Variants in RBMS3 observed in about 807,000 individuals in gnomAD.
RBMS3 encodes RNA-binding motif, single-stranded-interacting protein 3.
Under a neutral mutation model 66.8 loss-of-function variants are expected in RBMS3, and 27 were observed. That is an observed-to-expected ratio of 0.40 (90% CI 0.30 to 0.56). RBMS3 has a LOEUF of 0.56. RBMS3 is among the 20% of genes least tolerant of loss of function. The probability of loss-of-function intolerance (pLI) is 0.40; values close to 1 mark genes in which losing one functional copy is unlikely to be tolerated. For synonymous variants in RBMS3, 188 were observed against 183.0 expected, an observed-to-expected ratio of 1.03 and a Z score of -0.22; for missense variants, 513 against 549.5, an observed-to-expected ratio of 0.93 and a Z score of 0.66.
At chr3:29,921,207 C>A (rs374358127) in intron 10 of RBMS3, among the ~76,000 whole-genome samples, 145 of 151,932 alleles carry the variant, frequency 9.5e-4, no homozygotes, top group African/African-American at 3.3e-3. Context: ...GGATTACAGG[C>A]GCCCGCCACC....
chr3:29,435,973 C>A (rs1478212759), intron 2 of RBMS3, among the ~76,000 whole-genome samples: 294 of 137,952 alleles, frequency 2.1e-3, no homozygotes, highest in African/African-American at 2.4e-3. Flanking sequence ...GACTCCGTCT[C>A]AAAAAAAAAA....
At chr3:30,003,073 A>C (rs1269740389) in intron 14 of RBMS3, among the ~76,000 whole-genome samples, 1 of 152,004 alleles carries the variant, frequency 6.6e-6, no homozygotes, top group Non-Finnish European at 1.5e-5. Flanking sequence ...TAACTTACAG[A>C]GATAATATAG....
chr3:29,648,541 G>T (rs1409040162), intron 4 of RBMS3, among the ~76,000 whole-genome samples: 2 of 151,976 alleles, frequency 1.3e-5, no homozygotes, highest in Non-Finnish European at 2.9e-5. Flanking sequence ...CCAAAGTGCC[G>T]AGATTACAGA....
chr3:29,579,278 G>C (rs972085887), intron 3 of RBMS3, among the ~76,000 whole-genome samples: 2 of 152,164 alleles, frequency 1.3e-5, no homozygotes, highest in African/African-American at 4.8e-5. Context: ...AGAGTAAGTA[G>C]GGATGAGTAC....
chr3:29,332,656 C>T (rs114458849), intron 1 of RBMS3, among the ~76,000 whole-genome samples: 489 of 152,236 alleles, frequency 3.2e-3, no homozygotes, highest in Middle Eastern at 0.024. Flanking sequence ...CAGTTATACA[C>T]CCTCTTTCCA....
At chr3:29,892,732 T>C (rs7613301) in intron 8 of RBMS3, among the ~76,000 whole-genome samples, 10,793 of 151,448 alleles carry the variant, frequency 0.071, 1,292 homozygotes, top group African/African-American at 0.25. Flanking sequence ...CATAAATTCA[T>C]ATGTTTAGAA....
chr3:29,702,691 C>A (rs111671143), intron 4 of RBMS3, among the ~76,000 whole-genome samples: 2 of 151,994 alleles, frequency 1.3e-5, no homozygotes, highest in Non-Finnish European at 2.9e-5. Context: ...ATGAGAGGAA[C>A]GAACAACTCC....
chr3:29,693,418 A>G (rs1285040999), intron 4 of RBMS3, among the ~76,000 whole-genome samples: 1 of 152,170 alleles, frequency 6.6e-6, no homozygotes, highest in Admixed American at 6.5e-5. Flanking sequence ...CCTATATCTA[A>G]TAAACAGCCC....
At chr3:29,766,847 G>A (rs1375827250) in intron 6 of RBMS3, 3 of 152,078 alleles carry the variant, frequency 2.0e-5, no homozygotes, top group Admixed American at 2.0e-4. Flanking sequence ...AAAAGCATGT[G>A]TTAAATAGTG....
chr3:29,928,197 T>TACAC (rs1192992299), intron 10 of RBMS3, among the ~76,000 whole-genome samples: 9 of 103,380 alleles, frequency 8.7e-5, no homozygotes, highest in African/African-American at 3.2e-4. Flanking sequence ...TATATATATA[T>TACAC]ATATATATAT....
At chr3:29,532,448 C>T (rs556629454) in intron 3 of RBMS3, among the ~76,000 whole-genome samples, 1 of 151,706 alleles carries the variant, frequency 6.6e-6, no homozygotes, top group African/African-American at 2.4e-5. Context: ...CAACACTGTG[C>T]CCACTGTACA....
chr3:29,302,541 T>G (rs1003551398), intron 1 of RBMS3, among the ~76,000 whole-genome samples: 1 of 152,074 alleles, frequency 6.6e-6, no homozygotes. Flanking sequence ...ATGTATAGTT[T>G]GTCTTCTGAG....
chr3:29,472,523 TCG>T, intron 2 of RBMS3, among the ~76,000 whole-genome samples: 1 of 152,166 alleles, frequency 6.6e-6, no homozygotes, highest in Non-Finnish European at 1.5e-5. Flanking sequence ...CCGTGGACCC[TCG>T]CTGTGAGTGT....
intron 7 of RBMS3, among the ~76,000 whole-genome samples, chr3:29,878,553 T>C (rs183456757): frequency 6.6e-6 from 1 of 152,240 alleles, no homozygotes; most frequent in Admixed American, 6.5e-5. Context: ...GTCCTACTTT[T>C]GTATTCTACT....
chr3:29,438,271 T>G (rs2041477790), intron 2 of RBMS3, among the ~76,000 whole-genome samples: 1 of 152,156 alleles, frequency 6.6e-6, no homozygotes, highest in Non-Finnish European at 1.5e-5. Flanking sequence ...TTAGAGTTAA[T>G]ATTCCTTATA....
rs1010275281 is a variant in RBMS3, at chr3:29,720,544, A to G, written c.400-19176A>G. Among the ~76,000 whole-genome samples, 5 of 152,278 alleles carry G rather than the reference A, an allele frequency of 3.3e-5. No homozygotes were observed. In the East Asian group the frequency reaches 5.8e-4, roughly 18 times the overall value. ...TGTATGTATGTGTTTATATATATAAACATATACCTAAATAATATGTTAAAT... is the reference window on the plus strand; with the variant it reads ...TGTATGTATGTGTTTATATATATAAGCATATACCTAAATAATATGTTAAAT... On this transcript the variant is annotated intron_variant, in intron 4 of 14. Coordinates refer to ENST00000383767, the MANE Select transcript of RBMS3 (RefSeq NM_001003793.3).
intron 3 of RBMS3, among the ~76,000 whole-genome samples, chr3:29,536,159 A>C (rs2045550076): frequency 6.6e-6 from 1 of 152,126 alleles, no homozygotes; most frequent in South Asian, 2.1e-4. Context: ...CTAAGTAAAA[A>C]ATGTCTGGGA....
At chr3:29,435,123 G>T (rs1348854377) in intron 2 of RBMS3, 3 of 558,694 alleles carry the variant, frequency 5.4e-6, no homozygotes, top group Non-Finnish European at 9.3e-6. Context: ...GGAAGTTCTT[G>T]AGCACATATA....
intron 1 of RBMS3, among the ~76,000 whole-genome samples, chr3:29,399,628 T>C (rs113454862): frequency 1.3e-5 from 2 of 152,200 alleles, no homozygotes; most frequent in African/African-American, 4.8e-5. Context: ...ATTTTGCCCA[T>C]GTTAAAGGCT....
Sources: gnomAD v4.1 joint callset for allele counts (sites outside exome capture counted in the v4.1 genomes callset) on GRCh38, gnomAD v4.1.1 for gene constraint, MANE v1.5 for transcripts, NCBI Gene and HGNC (gene_info 2026-07-23, HGNC 2026-07-21) for gene names.